The following CFAP46 variants were observed in gnomAD, a reference collection of about 807,000 sequenced individuals.
The protein encoded by CFAP46 is cilia- and flagella-associated protein 46.
Under a neutral mutation model 325.7 loss-of-function variants are expected in CFAP46, and 245 were observed. The ratio of observed to expected loss-of-function variants is 0.75; its 90% CI spans 0.68 to 0.84. The LOEUF (loss-of-function observed/expected upper bound fraction) is 0.84, where lower values mean the gene tolerates loss of function less well. Among genes scored for constraint, CFAP46 ranks in the 40% least tolerant of loss-of-function variants. CFAP46 has a pLI of 0.00. For synonymous variants in CFAP46, 1,523 were observed against 1,495.9 expected (o/e 1.02, Z -0.42); for missense variants, 3,346 against 3,543.0 (o/e 0.94, Z 1.41).
At chr10:132,922,814 AG>A (rs1849748285) in intron 11 of CFAP46, 106 bp from the exon 12 acceptor site, 1 of 878,052 alleles carries the variant, frequency 1.1e-6, no homozygotes, top group Non-Finnish European at 1.7e-6. Flanking sequence ...AGTGTAGGGC[AG>A]GCTTGGTGCC....
rs902980135 is a variant in CFAP46, at chr10:132,916,595, A to G, written c.2074T>C (p.Tyr692His). The change falls in exon 17 of 58, where the codon TAC becomes CAC. Residue 692 changes from tyrosine (Y) to histidine (H), a missense_variant. Physicochemically the swap from Tyr to His is moderately conservative, Grantham distance 83. Coordinates refer to ENST00000368586, the MANE Select transcript of CFAP46 (RefSeq NM_001200049.3). ...TTCACCTCCGGGGGCTCAGGCACGT[A>G]GCCAGCTGGGTGCTGGCTCAGGTCT... ...PEDLSQHPAG[Y>H]VPEPPEVNAE... The G allele has an allele frequency of 1.3e-6, 2 of 1,547,326 alleles. No homozygotes were observed. The highest frequency in any genetic ancestry group is 1.7e-6 in the Non-Finnish European group (2 of 1,145,494).
Position 132,847,272 on chromosome 10 carries a change from TC to T in CFAP46, c.6001del (p.Glu2001LysfsTer28). 1.9e-6 allele frequency: 3 copies of T among 1,613,460 alleles called. No homozygotes were observed. The highest frequency in any genetic ancestry group is 2.5e-6 in the Non-Finnish European group (3 of 1,179,922). On this transcript the variant is annotated frameshift_variant, in exon 42 of 58. Coordinates refer to ENST00000368586, the MANE Select transcript of CFAP46 (RefSeq NM_001200049.3). LOFTEE classifies it high-confidence loss of function. This position sits in a 1 kb window ranked among gnomAD's most constrained non-coding sequence, Gnocchi z 5.2. ...CCTGCTGGACTTTGTGGCACCCTCT[TC>T]CTCTACCTCCAGCTCCAGAGACTTG... ...GLKSLELEVEEEGATKSSRDP... is the reference protein window; with the variant it reads ...GLKSLELEVEXEGATKSSRDP...
At chr10:132,864,083 C>CT in intron 35 of CFAP46, among the ~76,000 whole-genome samples, 1 of 147,448 alleles carries the variant, frequency 6.8e-6, no homozygotes, top group African/African-American at 2.5e-5. Context: ...ACACCTGTCC[C>CT]CGGTGTCTGA....
At chr10:132,892,555 A>G in intron 24 of CFAP46, 138 bp from the exon 25 acceptor site, 2 of 731,810 alleles carry the variant, frequency 2.7e-6, no homozygotes, top group South Asian at 3.8e-5. Context: ...GCTGTAAATT[A>G]ACCTGACAAT....
rs149558193 is a variant in CFAP46, at chr10:132,920,140, G to A, written c.1649C>T (p.Ala550Val). 1.3e-3 allele frequency: 1,974 copies of A among 1,548,646 alleles called. 34 individuals are homozygous for A. The African/African-American group carries it at 0.023, about 18-fold the overall frequency. Reference sequence around the variant, plus strand: ...GCTGACGGTGTGGTGCCACGCCTTCGCACAGAGGTAGGTGAACCGGCCCCT... The same window carrying A: ...GCTGACGGTGTGGTGCCACGCCTTCACACAGAGGTAGGTGAACCGGCCCCT... ...KNRGRFTYLC[A>V]KAWHHTVSVD... is the part of the protein sequence containing the mutation. The change falls in exon 14 of 58, where the codon GCG becomes GTG. Residue 550 changes from alanine (A) to valine (V), a missense_variant. By Grantham distance (64) the Ala-to-Val change is moderately conservative. Transcript: ENST00000368586.
At chr10:132,913,365 T>TTGG in intron 17 of CFAP46, 107 bp from the exon 18 acceptor site, 1 of 279,296 alleles carries the variant, frequency 3.6e-6, no homozygotes, top group African/African-American at 2.8e-5. Context: ...GGGCAAGAAG[T>TTGG]GGGAGGGGCG....
At chr10:132,862,635 G>C (rs1236977069) in intron 35 of CFAP46, among the ~76,000 whole-genome samples, 1 of 151,690 alleles carries the variant, frequency 6.6e-6, no homozygotes, top group East Asian at 1.9e-4. Context: ...CAGTGGGAGA[G>C]CCCAGGGGAG....
intron 29 of CFAP46, among the ~76,000 whole-genome samples, chr10:132,878,844 C>T (rs940539897): frequency 8.5e-5 from 13 of 152,340 alleles, no homozygotes; most frequent in Admixed American, 5.9e-4. Flanking sequence ...CCATGCCTGG[C>T]GCTGCCCTGC....
At chr10:132,900,851 G>A (rs1564794753) in intron 22 of CFAP46, among the ~76,000 whole-genome samples, 1 of 152,268 alleles carries the variant, frequency 6.6e-6, no homozygotes, top group Non-Finnish European at 1.5e-5. Context: ...GTCAGCTGCT[G>A]AGAGAGGAAT....
intron 50 of CFAP46, among the ~76,000 whole-genome samples, chr10:132,825,325 A>G (rs1256448687): frequency 1.3e-5 from 2 of 151,896 alleles, no homozygotes; most frequent in Non-Finnish European, 2.9e-5. Context: ...GTGTGCACTG[A>G]TGTGTGCTGT....
chr10:132,899,245 T>C, intron 23 of CFAP46, 124 bp from the exon 24 acceptor site: 2 of 1,137,248 alleles, frequency 1.8e-6, no homozygotes, highest in Non-Finnish European at 1.2e-6. Context: ...CCTGGGCATG[T>C]GGCTTGCTCA....
At chr10:132,845,970 G>A (rs1848427712) in intron 44 of CFAP46, 87 bp downstream of exon 44, 28 of 1,409,368 alleles carry the variant, frequency 2.0e-5, no homozygotes, top group South Asian at 2.7e-5. Context: ...AGGCTGCCTC[G>A]CTCAGGCGTG....
chr10:132,839,592 C>T (rs1262799187), intron 44 of CFAP46, among the ~76,000 whole-genome samples: 1 of 152,072 alleles, frequency 6.6e-6, no homozygotes, highest in East Asian at 1.9e-4. Flanking sequence ...TGTGCATTTC[C>T]GCTCTTGGGG....
chr10:132,849,260 C>T (rs914816102), intron 41 of CFAP46, among the ~76,000 whole-genome samples: 2 of 152,202 alleles, frequency 1.3e-5, no homozygotes, highest in East Asian at 1.9e-4. Context: ...CCAATGGAGG[C>T]TGGTTGCATG....
At chr10:132,872,353 A>G (rs1848904894) in intron 32 of CFAP46, among the ~76,000 whole-genome samples, 10 of 152,200 alleles carry the variant, frequency 6.6e-5, no homozygotes, top group Admixed American at 6.5e-4. Context: ...TCTTAGGCTC[A>G]GGTGATCCTC....
chr10:132,817,047 G>A lies in CFAP46; in HGVS notation c.7118-2133C>T, dbSNP rs937501263. Among the ~76,000 whole-genome samples, 1 of 152,162 alleles carries A rather than the reference G, an allele frequency of 6.6e-6. No individual in the cohort carries two copies. The highest frequency in any genetic ancestry group is 2.4e-5 in the African/African-American group (1 of 41,424). ...CCAAGATTGTTAATTATGTCGCCCT[G>A]AATCTCTCTCTTTTTGCTCTTTGTC... On this transcript the variant is annotated intron_variant, in intron 50 of 57. Transcript: ENST00000368586. The surrounding 1 kb of genome is among the most constrained non-coding windows in gnomAD (Gnocchi z 4.4).
chr10:132,856,757 C>T (rs997742080), intron 39 of CFAP46, among the ~76,000 whole-genome samples: 5 of 152,208 alleles, frequency 3.3e-5, no homozygotes, highest in African/African-American at 1.2e-4. Context: ...GATCAATTTG[C>T]TTTTGATTGA....
intron 50 of CFAP46, among the ~76,000 whole-genome samples, chr10:132,822,615 TTG>T (rs1847889907): frequency 7.9e-6 from 1 of 127,268 alleles, no homozygotes; most frequent in Non-Finnish European, 1.6e-5. Context: ...GTGCTGTGTG[TTG>T]TGTGAGTGCT....
chr10:132,860,376 A>G (rs1848703696), intron 37 of CFAP46, 41 bp downstream of exon 37: 1 of 1,466,928 alleles, frequency 6.8e-7, no homozygotes. Context: ...AGGAAACCAC[A>G]GCTTTCACGC....
Sources: gnomAD v4.1 joint callset for allele counts (sites outside exome capture counted in the v4.1 genomes callset) on GRCh38, gnomAD v4.1.1 for gene constraint, Gnocchi (gnomAD v3.1) non-coding constraint, MANE v1.5 for transcripts, NCBI Gene and HGNC (gene_info 2026-07-23, HGNC 2026-07-21) for gene names.